Variants in LIPH observed in about 807,000 individuals in gnomAD.
LIPH encodes lipase H.
Under a neutral mutation model 47.6 loss-of-function variants are expected in LIPH, and 32 were observed. The ratio of observed to expected loss-of-function variants is 0.67; its 90% CI spans 0.51 to 0.90. LIPH has a LOEUF of 0.90. Ranked by LOEUF, LIPH falls within the 40% of genes least tolerant of loss-of-function variation. The pLI is 0.00. For synonymous variants in LIPH, 190 were observed against 195.6 expected (o/e 0.97, Z 0.24); for missense variants, 497 against 541.4 (o/e 0.92, Z 0.81).
At chr3:185,528,206 C>T (rs1285358680) in intron 3 of LIPH, among the ~76,000 whole-genome samples, 9 of 143,276 alleles carry the variant, frequency 6.3e-5, no homozygotes, top group African/African-American at 2.3e-4. Flanking sequence ...GAGCAAGGCT[C>T]TGTCTCGAAG....
chr3:185,529,744 G>A (rs1162172745), intron 3 of LIPH, among the ~76,000 whole-genome samples: 2 of 150,952 alleles, frequency 1.3e-5, no homozygotes, highest in East Asian at 4.0e-4. Flanking sequence ...TTAAAAATTT[G>A]TTGAGTGTGG....
At chr3:185,533,493 T>C in intron 3 of LIPH, 78 bp downstream of exon 3, 1 of 920,950 alleles carries the variant, frequency 1.1e-6, no homozygotes, top group Non-Finnish European at 1.8e-6. Context: ...ACCCAAGGAG[T>C]TGGATTGGCC....
intron 5 of LIPH, among the ~76,000 whole-genome samples, chr3:185,522,430 AAAG>A (rs1445215966): frequency 3.3e-5 from 5 of 151,664 alleles, no homozygotes; most frequent in Non-Finnish European, 7.4e-5. Context: ...GATCGCAAAG[AAAG>A]AAGAGAAAGG....
rs554748417 is a variant in LIPH at position 185,543,007 on chromosome 3, G to A, written c.50-7875C>T. On this transcript the variant is annotated intron_variant, in intron 1 of 9. Transcript: ENST00000296252. ...CAGATCACTTTGAGGTCAGGAGTTC[G>A]AGACCAGCCTGGGCAACATGGCAAA... Among the ~76,000 whole-genome samples the A allele has an allele frequency of 1.3e-4, 20 of 152,132 alleles. No homozygotes were observed. The East Asian group carries it at 3.3e-3, about 25-fold the overall frequency.
At chr3:185,514,653 G>T in intron 7 of LIPH, 132 bp from the exon 8 acceptor site, 1 of 693,524 alleles carries the variant, frequency 1.4e-6, no homozygotes, top group Non-Finnish European at 2.6e-6. Context: ...TCTCTGCAAA[G>T]ATCCAGGGCA....
At chr3:185,539,587 T>C (rs1720638040) in intron 1 of LIPH, among the ~76,000 whole-genome samples, 1 of 151,284 alleles carries the variant, frequency 6.6e-6, no homozygotes, top group South Asian at 2.1e-4. Flanking sequence ...GCCAGGCTGG[T>C]CTCGAACTCC....
At chr3:185,533,733 A>T (rs1720413784) in intron 2 of LIPH, 54 bp from the exon 3 acceptor site, 4 of 1,137,978 alleles carry the variant, frequency 3.5e-6, no homozygotes, top group Non-Finnish European at 5.3e-6. Flanking sequence ...AGGAATTAAC[A>T]TTTGTAGAAA....
intron 2 of LIPH, 96 bp from the exon 3 acceptor site, chr3:185,533,775 C>G (rs1021430005): frequency 1.3e-6 from 1 of 780,876 alleles, no homozygotes; most frequent in Non-Finnish European, 2.3e-6. Flanking sequence ...AGAAGTAATT[C>G]TAAGCACCTT....
At chr3:185,532,240 A>G (rs1233978288) in intron 3 of LIPH, among the ~76,000 whole-genome samples, 1 of 152,006 alleles carries the variant, frequency 6.6e-6, no homozygotes, top group Non-Finnish European at 1.5e-5. Flanking sequence ...GGCCGGGCAC[A>G]GTGGCTCATA....
At position 185,524,260 on chromosome 3, in the gene LIPH, T is replaced by C. The variant is rs1719996202; in HGVS notation, c.629-100A>G. 3 of 749,732 alleles carry C rather than the reference T, an allele frequency of 4.0e-6. No homozygotes were observed. In the South Asian group the frequency reaches 4.4e-5, roughly 11 times the overall value. 46.4% of individuals were successfully genotyped at this position (749,732 alleles called of 1,614,324 possible). On this transcript the variant is annotated intron_variant, in intron 4 of 9. Transcript: ENST00000296252. ...TAAGCAGGAATTGTATTATTATTGT[T>C]GTTTATCATTATTGTTATACCTATG...
At chr3:185,552,393 G>C in intron 1 of LIPH, 30 bp downstream of exon 1, 1 of 1,497,482 alleles carries the variant, frequency 6.7e-7, no homozygotes, top group Non-Finnish European at 9.3e-7. Context: ...TTTTTAAGCA[G>C]TTAAGAAAAC....
intron 2 of LIPH, 111 bp from the exon 3 acceptor site, chr3:185,533,790 C>T: frequency 1.4e-6 from 1 of 705,290 alleles, no homozygotes. Flanking sequence ...CACCTTACAT[C>T]TATTATCTCA....
At chr3:185,518,233 A>T (rs1179935887) in intron 6 of LIPH, among the ~76,000 whole-genome samples, 1 of 152,100 alleles carries the variant, frequency 6.6e-6, no homozygotes, top group African/African-American at 2.4e-5. Context: ...TGCCTTCTGG[A>T]TGGAATACTC....
chr3:185,515,791 A>T (rs1719713119), intron 7 of LIPH, among the ~76,000 whole-genome samples: 1 of 152,170 alleles, frequency 6.6e-6, no homozygotes, highest in African/African-American at 2.4e-5. Context: ...TTGGCCTCCC[A>T]AAATGCTGGG....
At chr3:185,533,216 A>G (rs1298970497) in intron 3 of LIPH, among the ~76,000 whole-genome samples, 1 of 152,144 alleles carries the variant, frequency 6.6e-6, no homozygotes, top group Non-Finnish European at 1.5e-5. Flanking sequence ...ACTGAAGCGT[A>G]TTAGGTTTAT....
intron 1 of LIPH, among the ~76,000 whole-genome samples, chr3:185,546,523 G>A (rs1720879339): frequency 6.6e-6 from 1 of 152,130 alleles, no homozygotes; most frequent in South Asian, 2.1e-4. Context: ...TTCCCACTGG[G>A]TGCTGTGGCT....
chr3:185,510,009 C>T (rs1308719984), intron 9 of LIPH, among the ~76,000 whole-genome samples: 1 of 147,466 alleles, frequency 6.8e-6, no homozygotes, highest in Non-Finnish European at 1.5e-5. Context: ...TGCAGTGGTA[C>T]GATCTCGGCT....
At chr3:185,540,227 G>T (rs369505756) in intron 1 of LIPH, among the ~76,000 whole-genome samples, 183 of 152,272 alleles carry the variant, frequency 1.2e-3, no homozygotes, top group African/African-American at 4.0e-3. Flanking sequence ...ACATGGACAC[G>T]ACTGAACTGA....
chr3:185,531,261 A>T (rs2148957541), intron 3 of LIPH, among the ~76,000 whole-genome samples: 1 of 152,272 alleles, frequency 6.6e-6, no homozygotes, highest in East Asian at 1.9e-4. Context: ...CAGAAGACTC[A>T]TAAGTTCAGG....
Sources: allele counts gnomAD v4.1 joint callset (sites outside exome capture counted in the v4.1 genomes callset), GRCh38; gene constraint gnomAD v4.1.1; transcripts MANE v1.5; gene names NCBI Gene and HGNC (gene_info 2026-07-23, HGNC 2026-07-21).